Variants in TTC28 observed in about 807,000 individuals in gnomAD.
TTC28 encodes tetratricopeptide repeat domain 28, also known as tetratricopeptide repeat protein 28.
Under a neutral mutation model 198.0 loss-of-function variants are expected in TTC28, and 61 were observed. The observed-to-expected ratio is 0.31, with a 90% CI of 0.25 to 0.38. The LOEUF is 0.38. Among genes scored for constraint, TTC28 ranks in the 10% least tolerant of loss-of-function variants. The pLI is 1.00. For missense variants in TTC28, 2,678 were observed against 3,164.0 expected (o/e 0.85, Z 3.69); for synonymous variants, 1,171 against 1,297.8 (o/e 0.90, Z 2.10).
intron 5 of TTC28, among the ~76,000 whole-genome samples, chr22:28,200,574 A>G (rs529637231): frequency 1.1e-4 from 16 of 152,096 alleles, no homozygotes; most frequent in Non-Finnish European, 2.1e-4. Flanking sequence ...ATCAACCACC[A>G]TAGTTGGGAA....
At chr22:28,154,897 C>G (rs1943718329) in intron 6 of TTC28, among the ~76,000 whole-genome samples, 1 of 152,152 alleles carries the variant, frequency 6.6e-6, no homozygotes, top group East Asian at 1.9e-4. Context: ...TCTACAAGTT[C>G]TACCCACTTC....
At chr22:28,648,081 G>A (rs1026828977) in intron 1 of TTC28, among the ~76,000 whole-genome samples, 3 of 151,304 alleles carry the variant, frequency 2.0e-5, no homozygotes, top group African/African-American at 7.3e-5. Context: ...AAAATTAGAC[G>A]GGCATGGTAG....
intron 2 of TTC28, among the ~76,000 whole-genome samples, chr22:28,571,690 G>A (rs1281262005): frequency 6.6e-6 from 1 of 152,190 alleles, no homozygotes; most frequent in Non-Finnish European, 1.5e-5. Flanking sequence ...GTTCATGCCT[G>A]TAATCCCAAC....
intron 2 of TTC28, among the ~76,000 whole-genome samples, chr22:28,432,249 G>A (rs1292403732): frequency 6.6e-6 from 1 of 151,614 alleles, no homozygotes; most frequent in Non-Finnish European, 1.5e-5. Flanking sequence ...TCACGCCACT[G>A]CACTCCAGCC....
rs796892306 is a variant in TTC28, at chr22:28,047,133, G to A, written c.3933-16767C>T. ...TCGGAGAGGAGTGAGGGGGCACCAT[G>A]TTCCACCTCAAGCCTCACAGGAGGT... On this transcript the variant is annotated intron_variant, in intron 12 of 22. Transcript: ENST00000397906. Among the ~76,000 whole-genome samples the A allele has an allele frequency of 1.1e-4, 16 of 152,300 alleles. 1 individual carries two copies. Among genetic ancestry groups the A allele is most frequent in the African/African-American group, 3.6e-4 (15 of 41,574 alleles).
chr22:28,162,546 A>G (rs548886779), intron 6 of TTC28, among the ~76,000 whole-genome samples: 1 of 152,264 alleles, frequency 6.6e-6, no homozygotes, highest in South Asian at 2.1e-4. Context: ...CTATACATTA[A>G]AAGGTTGGGA....
Position 28,028,323 on chromosome 22 carries a change from A to G in TTC28, c.4073+1903T>C, listed in dbSNP as rs144767738. 1.8e-4 allele frequency among the ~76,000 whole-genome samples: 28 copies of G among 152,342 alleles called. No individual in the cohort carries two copies. The East Asian group carries it at 3.5e-3, about 19-fold the overall frequency. Reference sequence around the variant, plus strand: ...TGGCTGGGGGCGGAGATTGTGTTGTATAAGTGAACCAACAAATTAATCTAC... The same window carrying G: ...TGGCTGGGGGCGGAGATTGTGTTGTGTAAGTGAACCAACAAATTAATCTAC... On this transcript the variant is annotated intron_variant, in intron 13 of 22. Transcript: ENST00000397906.
intron 2 of TTC28, among the ~76,000 whole-genome samples, chr22:28,435,126 C>T (rs978217847): frequency 1.3e-5 from 2 of 152,158 alleles, no homozygotes; most frequent in Non-Finnish European, 2.9e-5. Context: ...CACAAGACTT[C>T]TCTAAAAATG....
At chr22:28,526,193 CAATAAT>C (rs1483700186) in intron 2 of TTC28, among the ~76,000 whole-genome samples, 3 of 152,242 alleles carry the variant, frequency 2.0e-5, no homozygotes, top group African/African-American at 4.8e-5. Flanking sequence ...AAACTACTAA[CAATAAT>C]AAGTATCTAG....
intron 6 of TTC28, among the ~76,000 whole-genome samples, chr22:28,119,589 G>A (rs1242149889): frequency 3.3e-5 from 5 of 152,248 alleles, no homozygotes; most frequent in African/African-American, 9.6e-5. Flanking sequence ...TGCAAATGTG[G>A]TGGGGGCATT....
Position 28,212,131 on chromosome 22 carries a change from A to G in TTC28, c.934-48532T>C, listed in dbSNP as rs576886285. Among the ~76,000 whole-genome samples, 739 of 152,072 alleles carry G rather than the reference A, an allele frequency of 4.9e-3. 5 individuals carry two copies. The highest frequency in any genetic ancestry group is 0.017 in the South Asian group (84 of 4,812). ...CTCTGGGACACATTTAAAGCAGTGC[A>G]TAGAGGGAAATTTATAGCACTAAAT... is the stretch of plus-strand genomic sequence containing the variant. On this transcript the variant is annotated intron_variant, in intron 5 of 22. Transcript: ENST00000397906.
chr22:28,175,733 CA>C (rs910911584), intron 5 of TTC28, among the ~76,000 whole-genome samples: 2 of 149,112 alleles, frequency 1.3e-5, no homozygotes, highest in African/African-American at 2.5e-5. Flanking sequence ...AACTCTGTCT[CA>C]AAAAAAAATT....
At chr22:28,643,568 G>A (rs979703760) in intron 1 of TTC28, among the ~76,000 whole-genome samples, 46 of 152,060 alleles carry the variant, frequency 3.0e-4, no homozygotes, top group African/African-American at 1.1e-3. Context: ...AACAATTTGG[G>A]GAAAATTAAT....
intron 2 of TTC28, among the ~76,000 whole-genome samples, chr22:28,353,748 A>G (rs1199392820): frequency 1.3e-5 from 2 of 152,180 alleles, no homozygotes; most frequent in Non-Finnish European, 2.9e-5. Flanking sequence ...CAACACACAG[A>G]ATGGGACAAA....
intron 2 of TTC28, among the ~76,000 whole-genome samples, chr22:28,385,121 A>G (rs919277292): frequency 6.7e-6 from 1 of 150,252 alleles, no homozygotes; most frequent in African/African-American, 2.4e-5. Flanking sequence ...AGCCTGGGCA[A>G]CAAGAGTGAA....
At chr22:28,177,282 G>A (rs998502672) in intron 5 of TTC28, among the ~76,000 whole-genome samples, 8 of 152,158 alleles carry the variant, frequency 5.3e-5, no homozygotes, top group Non-Finnish European at 1.2e-4. Flanking sequence ...ATTAGGGAAT[G>A]GCAAACTAAA....
At chr22:28,297,232 G>T (rs1041507280) in intron 4 of TTC28, among the ~76,000 whole-genome samples, 3 of 151,962 alleles carry the variant, frequency 2.0e-5, no homozygotes, top group African/African-American at 7.3e-5. Flanking sequence ...TTGTTTAAGA[G>T]ACAGGGTTTT....
chr22:28,430,624 T>C (rs2047416570), intron 2 of TTC28, among the ~76,000 whole-genome samples: 1 of 152,284 alleles, frequency 6.6e-6, no homozygotes, highest in South Asian at 2.1e-4. Flanking sequence ...GGGGCAATCA[T>C]GGAAAACATG....
At chr22:28,384,406 G>A (rs1258081739) in intron 2 of TTC28, among the ~76,000 whole-genome samples, 2 of 151,848 alleles carry the variant, frequency 1.3e-5, no homozygotes, top group African/African-American at 4.8e-5. Flanking sequence ...ACTCTTTATC[G>A]CTCCTCTTTA....
Sources: allele counts gnomAD v4.1 joint callset (sites outside exome capture counted in the v4.1 genomes callset), GRCh38; gene constraint gnomAD v4.1.1; transcripts MANE v1.5; gene names NCBI Gene and HGNC (gene_info 2026-07-23, HGNC 2026-07-21).